Variants in PHF20L1 observed in about 807,000 individuals in gnomAD.
PHF20L1 encodes the protein PHD finger protein 20-like protein 1.
PHF20L1 carries 44 observed loss-of-function variants against 125.5 expected under a neutral mutation model. The observed-to-expected ratio is 0.35, with a 90% CI of 0.28 to 0.45. The LOEUF (loss-of-function observed/expected upper bound fraction) is 0.45. PHF20L1 is among the 20% of genes least tolerant of loss of function. The pLI, the probability that PHF20L1 is intolerant of heterozygous loss-of-function variation, is 1.00. For synonymous variants in PHF20L1, 380 were observed against 403.1 expected (o/e 0.94, Z 0.69); for missense variants, 1,012 against 1,217.2 (o/e 0.83, Z 2.51).
chr8:132,839,262 CTT>C (rs1226410868), intron 17 of PHF20L1, 123 bp from the exon 18 acceptor site: 3 of 727,640 alleles, frequency 4.1e-6, no homozygotes, highest in African/African-American at 1.8e-5. Flanking sequence ...CTGTCTTACT[CTT>C]TTTGAATCTG....
chr8:132,794,702 T>C (rs771733366), intron 3 of PHF20L1, 31 bp from the exon 4 acceptor site: 2 of 1,552,404 alleles, frequency 1.3e-6, no homozygotes, highest in East Asian at 4.5e-5. Flanking sequence ...TTAATATACA[T>C]GGAATTGATC....
intron 9 of PHF20L1, among the ~76,000 whole-genome samples, chr8:132,813,390 T>G (rs1323901898): frequency 6.6e-6 from 1 of 151,976 alleles, no homozygotes; most frequent in Non-Finnish European, 1.5e-5. Flanking sequence ...CAACATGCTG[T>G]CTATAGAGCA....
chr8:132,790,590 T>C (rs1831573453), intron 2 of PHF20L1, among the ~76,000 whole-genome samples: 1 of 152,222 alleles, frequency 6.6e-6, no homozygotes, highest in South Asian at 2.1e-4. Context: ...TACCATGTAG[T>C]CTAGCCAAAA....
At chr8:132,795,167 A>C (rs1419920843) in intron 4 of PHF20L1, among the ~76,000 whole-genome samples, 3 of 152,132 alleles carry the variant, frequency 2.0e-5, no homozygotes, top group Non-Finnish European at 4.4e-5. Flanking sequence ...GGAAAGGTTA[A>C]AGATTTAGGG....
Position 132,803,908 on chromosome 8 carries a change from A to G in PHF20L1, c.597A>G (p.Lys199=). 1 of 1,611,408 alleles carries G rather than the reference A, an allele frequency of 6.2e-7. No individual in the cohort carries two copies. The highest frequency in any genetic ancestry group is 8.5e-7 in the Non-Finnish European group (1 of 1,178,080). The part of the protein sequence containing the change: ...SKPRTSANSN[K]DKDKDERKWF... ...CTCGAACCAGCGCTAACAGCAATAAAGATAAGGATAAAGATGAGAGAAAGT... is the reference window on the plus strand; with the variant it reads ...CTCGAACCAGCGCTAACAGCAATAAGGATAAGGATAAAGATGAGAGAAAGT... The change falls in exon 7 of 21, where the codon AAA becomes AAG. Residue 199 remains lysine, a synonymous_variant. Coordinates refer to ENST00000395386, the MANE Select transcript of PHF20L1 (RefSeq NM_016018.5).
At chr8:132,836,471 CCTTT>C (rs1323390964) in intron 15 of PHF20L1, 65 bp from the exon 16 acceptor site, 18 of 1,029,422 alleles carry the variant, frequency 1.7e-5, no homozygotes, top group East Asian at 1.5e-4. Flanking sequence ...TCTCATAGCT[CCTTT>C]CTTTATGAAA....
chr8:132,831,265 C>A (rs1329510659), intron 14 of PHF20L1, among the ~76,000 whole-genome samples: 1 of 152,062 alleles, frequency 6.6e-6, no homozygotes, highest in Non-Finnish European at 1.5e-5. Flanking sequence ...CTTTGTTTCT[C>A]CCTTATTCAC....
At chr8:132,793,881 A>G (rs1378937317) in intron 2 of PHF20L1, among the ~76,000 whole-genome samples, 2 of 152,174 alleles carry the variant, frequency 1.3e-5, no homozygotes, top group Non-Finnish European at 2.9e-5. Flanking sequence ...AAATTTACAT[A>G]TTTATATTTA....
At chr8:132,838,643 TAA>T (rs1434013823) in intron 17 of PHF20L1, 1 of 152,104 alleles carries the variant, frequency 6.6e-6, no homozygotes, top group African/African-American at 2.4e-5. Flanking sequence ...AAAGTCACAA[TAA>T]GTCACAAAAA....
Position 132,839,403 on chromosome 8 carries a change from A to C in PHF20L1, c.2208A>C (p.Ala736=). The C allele has an allele frequency of 6.2e-7, 1 of 1,612,870 alleles. No homozygotes were observed. The highest frequency in any genetic ancestry group is 8.5e-7 in the Non-Finnish European group (1 of 1,179,044). ...CRDPPGQRWS[A]KYRYDKEWLN... Reference sequence around the variant, plus strand: ...CATCTGCAGGTCAGAGGTGGAGTGCAAAATATCGTTATGATAAGGAGTGGT... The same window carrying C: ...CATCTGCAGGTCAGAGGTGGAGTGCCAAATATCGTTATGATAAGGAGTGGT... The change falls in exon 18 of 21, where the codon GCA becomes GCC. Residue 736 remains alanine, a synonymous_variant. Transcript: ENST00000395386.
intron 18 of PHF20L1, among the ~76,000 whole-genome samples, chr8:132,841,081 T>C (rs1837885175): frequency 1.3e-5 from 2 of 152,172 alleles, no homozygotes; most frequent in Non-Finnish European, 2.9e-5. Context: ...GGTATCAGTA[T>C]GAGTTTCTCT....
chr8:132,813,730 A>G (rs1308201854), intron 9 of PHF20L1, among the ~76,000 whole-genome samples: 2 of 152,030 alleles, frequency 1.3e-5, no homozygotes, highest in East Asian at 3.8e-4. Flanking sequence ...GCAGAACCAT[A>G]GATTGCAAAT....
chr8:132,775,482 C>T lies in PHF20L1; in HGVS notation c.-201C>T. 2.6e-6 allele frequency: 1 copy of T among 377,766 alleles called. No homozygotes were observed. Among genetic ancestry groups the T allele is most frequent in the Non-Finnish European group, 4.7e-6 (1 of 212,674 alleles). 23.4% of individuals were successfully genotyped at this position (377,766 alleles called of 1,614,324 possible). ...TCGGACCCAGCTCCCTCCCGCGAAA[C>T]CTTGGGCGGATCCGGCGCTGCGGCC... On this transcript the variant is annotated 5_prime_UTR_variant, in exon 1 of 21. Transcript: ENST00000395386.
chr8:132,828,157 A>G (rs564178321), intron 14 of PHF20L1, among the ~76,000 whole-genome samples: 1 of 152,062 alleles, frequency 6.6e-6, no homozygotes, highest in African/African-American at 2.4e-5. Flanking sequence ...AGTTAGCACC[A>G]TGAGGGAGTT....
chr8:132,792,768 C>T (rs1188984630), intron 2 of PHF20L1, among the ~76,000 whole-genome samples: 1 of 152,146 alleles, frequency 6.6e-6, no homozygotes, highest in African/African-American at 2.4e-5. Context: ...ACCTCATCTT[C>T]CTTAGCTATT....
chr8:132,816,557 C>T, intron 10 of PHF20L1: 1 of 204,184 alleles, frequency 4.9e-6, no homozygotes. Flanking sequence ...AGACTATTTT[C>T]CCGAAGGAAA....
At chr8:132,783,089 A>G (rs1205180579) in intron 2 of PHF20L1, among the ~76,000 whole-genome samples, 3 of 152,200 alleles carry the variant, frequency 2.0e-5, no homozygotes, top group East Asian at 1.9e-4. Context: ...ACAAAAACAC[A>G]AGAGATTAAA....
In PHF20L1 at chr8:132,794,512, C is replaced by T. The variant is rs770236143; in HGVS notation, c.186C>T (p.Ser62=). The T allele has an allele frequency of 6.2e-7, 1 of 1,610,956 alleles. No individual in the cohort carries two copies. The highest frequency in any genetic ancestry group is 1.1e-5 in the South Asian group (1 of 91,026). Residue 62 remains serine (S), a synonymous_variant, in exon 3 of 21, where the codon AGC becomes AGT. Transcript: ENST00000395386. ...HRYDEWIYWD[S]NRLRPLERPA... ...ATGATGAGTGGATTTACTGGGATAG[C>T]AATAGATTGCGACCCCTTGAGAGAC...
At chr8:132,792,126 T>C (rs922367779) in intron 2 of PHF20L1, among the ~76,000 whole-genome samples, 1 of 152,224 alleles carries the variant, frequency 6.6e-6, no homozygotes, top group Non-Finnish European at 1.5e-5. Context: ...ATAAACTCCT[T>C]ATTTTTTTAT....
Sources: allele counts gnomAD v4.1 joint callset (sites outside exome capture counted in the v4.1 genomes callset), GRCh38; gene constraint gnomAD v4.1.1; transcripts MANE v1.5; gene names NCBI Gene and HGNC (gene_info 2026-07-23, HGNC 2026-07-21).